Variants in CTNNA2 observed in about 807,000 individuals in gnomAD.
The protein encoded by CTNNA2 is catenin alpha 2.
CTNNA2 carries 42 observed loss-of-function variants against 101.0 expected under a neutral mutation model. The observed-to-expected ratio is 0.42, with a 90% CI of 0.32 to 0.54. The LOEUF is 0.54. CTNNA2 is among the 20% of genes least tolerant of loss of function. The pLI is 0.14. For synonymous variants in CTNNA2, 450 were observed against 456.4 expected (o/e 0.99, Z 0.18); for missense variants, 871 against 1,223.1 (o/e 0.71, Z 4.29).
In CTNNA2 at chr2:80,012,945, C is replaced by G. The variant is rs540288556; in HGVS notation, c.1056+103148C>G. The stretch of plus-strand genomic sequence containing the variant: ...ACTTTGTGGGAGGCTGGGAGGATCA[C>G]TTGGGCTCTGGAGTTTGAGACCATT... On this transcript the variant is annotated intron_variant, in intron 7 of 18. Coordinates refer to ENST00000402739, the MANE Select transcript of CTNNA2 (RefSeq NM_001282597.3). Among the ~76,000 whole-genome samples, 301 of 152,278 alleles carry G rather than the reference C, an allele frequency of 2.0e-3. 2 individuals are homozygous for G. The highest frequency in any genetic ancestry group is 3.5e-3 in the Non-Finnish European group (235 of 68,022).
chr2:80,167,514 T>G (rs1704781322), intron 7 of CTNNA2, among the ~76,000 whole-genome samples: 1 of 152,218 alleles, frequency 6.6e-6, no homozygotes, highest in African/African-American at 2.4e-5. Flanking sequence ...AGATACATCA[T>G]ACATTCTTGG....
intron 4 of CTNNA2, among the ~76,000 whole-genome samples, chr2:79,404,020 T>A (rs1488726201): frequency 6.6e-6 from 1 of 152,138 alleles, no homozygotes; most frequent in East Asian, 1.9e-4. Flanking sequence ...TATTTTGAGC[T>A]AGTTCCGTAG....
At chr2:79,588,336 A>G (rs1228026260) in intron 1 of CTNNA2, among the ~76,000 whole-genome samples, 3 of 152,200 alleles carry the variant, frequency 2.0e-5, no homozygotes, top group African/African-American at 4.8e-5. Flanking sequence ...TATCTTGTTC[A>G]TCATCTTTTA....
At chr2:79,857,902 G>A in intron 3 of CTNNA2, 111 bp from the exon 4 acceptor site, 1 of 1,151,300 alleles carries the variant, frequency 8.7e-7, no homozygotes, top group African/African-American at 1.5e-5. Context: ...AATACCACCT[G>A]GTCATCAGAG....
At chr2:80,147,236 G>A (rs1703403735) in intron 7 of CTNNA2, among the ~76,000 whole-genome samples, 2 of 152,074 alleles carry the variant, frequency 1.3e-5, no homozygotes, top group Admixed American at 1.3e-4. Context: ...AAAGTGCTGG[G>A]ATAACAGGTG....
intron 7 of CTNNA2, among the ~76,000 whole-genome samples, chr2:79,956,843 G>T (rs937740924): frequency 1.2e-4 from 12 of 98,908 alleles, no homozygotes; most frequent in African/African-American, 4.7e-4. Flanking sequence ...ATACGTGTGG[G>T]TTTTTTTTTT....
intron 7 of CTNNA2, among the ~76,000 whole-genome samples, chr2:80,192,025 A>G (rs1042191140): frequency 2.6e-5 from 4 of 152,194 alleles, no homozygotes; most frequent in African/African-American, 9.6e-5. Context: ...CATAATTCAA[A>G]CTGATTAGTG....
At chr2:80,431,135 T>C (rs969383926) in intron 9 of CTNNA2, among the ~76,000 whole-genome samples, 1 of 152,144 alleles carries the variant, frequency 6.6e-6, no homozygotes, top group Admixed American at 6.5e-5. Flanking sequence ...CCTGAAGCCA[T>C]AGTTGGAGAG....
intron 7 of CTNNA2, among the ~76,000 whole-genome samples, chr2:80,054,687 G>C (rs1697106149): frequency 6.6e-6 from 1 of 152,168 alleles, no homozygotes; most frequent in Admixed American, 6.5e-5. Flanking sequence ...GCTGCCCTAG[G>C]AAGGGAGAAA....
At chr2:79,941,366 T>A (rs1036373424) in intron 7 of CTNNA2, among the ~76,000 whole-genome samples, 2 of 152,236 alleles carry the variant, frequency 1.3e-5, no homozygotes, top group East Asian at 3.9e-4. Flanking sequence ...ATTCCTGTAC[T>A]GCTCCAGTTA....
chr2:79,287,210 G>C (rs919658634), intron 2 of CTNNA2, among the ~76,000 whole-genome samples: 2 of 152,038 alleles, frequency 1.3e-5, no homozygotes. Context: ...ATGTCCTCCC[G>C]TAGCTCGGAG....
chr2:80,023,328 T>C (rs1694704214), intron 7 of CTNNA2, among the ~76,000 whole-genome samples: 1 of 152,224 alleles, frequency 6.6e-6, no homozygotes, highest in African/African-American at 2.4e-5. Context: ...GATGGATTTA[T>C]TGAGCACCTA....
At chr2:80,586,727 A>C (rs1696004196) in intron 14 of CTNNA2, among the ~76,000 whole-genome samples, 1 of 152,226 alleles carries the variant, frequency 6.6e-6, no homozygotes, top group African/African-American at 2.4e-5. Context: ...AGTATTTTAG[A>C]TATCTTAATA....
chr2:80,438,416 T>C (rs907587589), intron 9 of CTNNA2, among the ~76,000 whole-genome samples: 9 of 142,164 alleles, frequency 6.3e-5, no homozygotes, highest in African/African-American at 2.4e-4. Flanking sequence ...TCCGTTTGTT[T>C]GTTAGTTTTT....
At chr2:79,650,185 G>T (rs544853117) in intron 1 of CTNNA2, among the ~76,000 whole-genome samples, 2 of 115,746 alleles carry the variant, frequency 1.7e-5, no homozygotes, top group Non-Finnish European at 3.7e-5. Context: ...GGGGGGGGGG[G>T]GGAGGGGCTA....
At chr2:79,366,362 T>C (rs963260511) in intron 3 of CTNNA2, among the ~76,000 whole-genome samples, 2 of 152,244 alleles carry the variant, frequency 1.3e-5, no homozygotes, top group Non-Finnish European at 2.9e-5. Flanking sequence ...CAAAGATTTT[T>C]CTTCCTTATA....
intron 7 of CTNNA2, among the ~76,000 whole-genome samples, chr2:79,955,478 G>A (rs6745989): frequency 0.066 from 10,076 of 152,192 alleles, 1,117 homozygotes; most frequent in African/African-American, 0.23. Context: ...AACAGGGGCA[G>A]TTGAAATGCA....
chr2:80,397,919 A>G (rs1477743477), intron 8 of CTNNA2, among the ~76,000 whole-genome samples: 52 of 152,308 alleles, frequency 3.4e-4, no homozygotes, highest in Admixed American at 3.4e-3. Context: ...CACGTGGGGA[A>G]GAAGGAAGGT....
intron 1 of CTNNA2, among the ~76,000 whole-genome samples, chr2:79,585,411 G>A (rs1418817324): frequency 1.3e-5 from 2 of 151,900 alleles, no homozygotes; most frequent in East Asian, 3.8e-4. Context: ...GACAATAGTG[G>A]ATGTATTTTT....
Sources: allele counts gnomAD v4.1 joint callset (sites outside exome capture counted in the v4.1 genomes callset), GRCh38; gene constraint gnomAD v4.1.1; transcripts MANE v1.5; gene names NCBI Gene and HGNC (gene_info 2026-07-23, HGNC 2026-07-21).